The following AKAP19 variants were observed in gnomAD, a reference collection of about 807,000 sequenced individuals.
AKAP19 encodes A-kinase anchoring protein 19.
At chr2:190,030,786 T>C in the AKAP19 span, among the ~76,000 whole-genome samples, 1 of 152,244 alleles carries the variant, frequency 6.6e-6, no homozygotes, top group Non-Finnish European at 1.5e-5. Flanking sequence ...CTTCTGGATA[T>C]GTATTTGGAG....
At chr2:189,967,005 A>G in the AKAP19 span, among the ~76,000 whole-genome samples, 1 of 152,202 alleles carries the variant, frequency 6.6e-6, no homozygotes, top group African/African-American at 2.4e-5. Context: ...CCCTTTCTGC[A>G]TAGTAATAGA....
the AKAP19 span, among the ~76,000 whole-genome samples, chr2:189,968,474 A>G: frequency 5.9e-5 from 9 of 152,198 alleles, no homozygotes; most frequent in Non-Finnish European, 1.0e-4. Context: ...TCGTGGCCTC[A>G]AGTGATTCTC....
chr2:190,046,269 C>G, the AKAP19 span, among the ~76,000 whole-genome samples: 1 of 151,892 alleles, frequency 6.6e-6, no homozygotes. Context: ...TTTCTTAGTT[C>G]TCTGTGATTT....
chr2:189,978,908 A>C, the AKAP19 span, among the ~76,000 whole-genome samples: 9 of 152,082 alleles, frequency 5.9e-5, no homozygotes, highest in Non-Finnish European at 4.4e-5. Context: ...TTAAATGTAT[A>C]CCAAACACTG....
At chr2:190,117,970 A>T in the AKAP19 span, among the ~76,000 whole-genome samples, 13 of 152,182 alleles carry the variant, frequency 8.5e-5, no homozygotes, top group African/African-American at 3.1e-4. Context: ...TTGATAGACC[A>T]CTAGCAAGAC....
the AKAP19 span, among the ~76,000 whole-genome samples, chr2:190,152,557 A>C: frequency 6.6e-6 from 1 of 152,176 alleles, no homozygotes; most frequent in Non-Finnish European, 1.5e-5. Context: ...TTAAACCCCT[A>C]ATAAGAATAG....
At chr2:189,886,145 C>T in the AKAP19 span, among the ~76,000 whole-genome samples, 2 of 152,254 alleles carry the variant, frequency 1.3e-5, no homozygotes, top group South Asian at 2.1e-4. Context: ...TGAGTCATGT[C>T]TTATGATGCC....
At chr2:189,969,872 T>C in the AKAP19 span, among the ~76,000 whole-genome samples, 1,161 of 132,214 alleles carry the variant, frequency 8.8e-3, 3 homozygotes, top group African/African-American at 0.037. Flanking sequence ...TCTTCTTCTT[T>C]TTTTTTTTTT....
chr2:189,975,047 C>T, the AKAP19 span, among the ~76,000 whole-genome samples: 6 of 152,124 alleles, frequency 3.9e-5, no homozygotes, highest in African/African-American at 1.2e-4. Flanking sequence ...TTATTTTGCT[C>T]GTTAGTAGAT....
At chr2:190,078,903 A>G in the AKAP19 span, among the ~76,000 whole-genome samples, 1 of 152,248 alleles carries the variant, frequency 6.6e-6, no homozygotes, top group African/African-American at 2.4e-5. Flanking sequence ...TAAATAAGTT[A>G]TAGTATCTCC....
the AKAP19 span, among the ~76,000 whole-genome samples, chr2:190,039,871 C>T: frequency 2.0e-5 from 3 of 152,154 alleles, no homozygotes; most frequent in Non-Finnish European, 4.4e-5. Flanking sequence ...TTTATGGTCA[C>T]ATAGTATTCC....
chr2:190,038,901 T>TTCTTCTTCTTCTTCTTCTTCTTC, the AKAP19 span, among the ~76,000 whole-genome samples: 15 of 46,022 alleles, frequency 3.3e-4, 1 homozygote, highest in South Asian at 1.0e-3. Context: ...TCTTTCTTTC[T>TTCTTCTTCTTCTTCTTCTTCTTC]TTCTTCTTCT....
the AKAP19 span, among the ~76,000 whole-genome samples, chr2:190,002,458 G>T: frequency 1.3e-5 from 2 of 151,948 alleles, no homozygotes; most frequent in Non-Finnish European, 2.9e-5. Context: ...AGAATTCATG[G>T]TTGCAGCACA....
At chr2:190,130,413 A>G in the AKAP19 span, among the ~76,000 whole-genome samples, 1 of 152,222 alleles carries the variant, frequency 6.6e-6, no homozygotes, top group Non-Finnish European at 1.5e-5. Flanking sequence ...TCATCAGGCC[A>G]GCCATATTCA....
At chr2:190,168,058 T>C in the AKAP19 span, among the ~76,000 whole-genome samples, 1 of 152,190 alleles carries the variant, frequency 6.6e-6, no homozygotes, top group South Asian at 2.1e-4. Flanking sequence ...GCCCTGCCCC[T>C]GCAGCAAACT....
the AKAP19 span, among the ~76,000 whole-genome samples, chr2:190,101,614 C>G: frequency 6.6e-6 from 1 of 151,534 alleles, no homozygotes; most frequent in Non-Finnish European, 1.5e-5. Flanking sequence ...AAAGGCTCAA[C>G]AAGAAGACTT....
the AKAP19 span, among the ~76,000 whole-genome samples, chr2:190,042,127 G>T: frequency 1.3e-5 from 2 of 152,200 alleles, no homozygotes; most frequent in African/African-American, 4.8e-5. Context: ...GTAGAATTTG[G>T]CTGTGAATCC....
At chr2:190,046,243 C>T in the AKAP19 span, among the ~76,000 whole-genome samples, 1 of 152,090 alleles carries the variant, frequency 6.6e-6, no homozygotes, top group South Asian at 2.1e-4. Context: ...CCATCTTGGC[C>T]ACTCCCATTC....
At chr2:189,958,410 A>G in the AKAP19 span, among the ~76,000 whole-genome samples, 1 of 151,938 alleles carries the variant, frequency 6.6e-6, no homozygotes, top group South Asian at 2.1e-4. Context: ...GAACACATAT[A>G]CTGCTGATGA....
Sources: allele counts gnomAD v4.1 joint callset (sites outside exome capture counted in the v4.1 genomes callset), GRCh38; gene constraint gnomAD v4.1.1; transcripts MANE v1.5; gene names NCBI Gene and HGNC (gene_info 2026-07-23, HGNC 2026-07-21).